Variants in KAT6B observed in about 807,000 individuals in gnomAD.
KAT6B encodes the protein lysine acetyltransferase 6B.
KAT6B carries 10 observed loss-of-function variants against 187.5 expected under a neutral mutation model. That is an observed-to-expected ratio of 0.05 (90% CI 0.03 to 0.09). The LOEUF is 0.09. Among genes scored for constraint, KAT6B ranks in the 10% least tolerant of loss-of-function variants. The pLI, the probability that KAT6B is intolerant of heterozygous loss-of-function variation, is 1.00. For missense variants in KAT6B, 1,952 were observed against 2,558.9 expected, an observed-to-expected ratio of 0.76 and a Z score of 5.12; for synonymous variants, 861 against 926.8, an observed-to-expected ratio of 0.93 and a Z score of 1.29.
intron 3 of KAT6B, among the ~76,000 whole-genome samples, chr10:74,902,182 A>G (rs1846448560): frequency 6.6e-6 from 1 of 152,064 alleles, no homozygotes; most frequent in Admixed American, 6.5e-5. Flanking sequence ...CTGTTCTCTC[A>G]TGCCATCAGT....
At chr10:74,864,327 A>G (rs1444187828) in intron 3 of KAT6B, among the ~76,000 whole-genome samples, 1 of 152,028 alleles carries the variant, frequency 6.6e-6, no homozygotes, top group Non-Finnish European at 1.5e-5. Flanking sequence ...GCAACGCTCC[A>G]TCTCCCAGGT....
At chr10:74,919,240 A>AT (rs1179535663) in intron 3 of KAT6B, among the ~76,000 whole-genome samples, 24 of 151,980 alleles carry the variant, frequency 1.6e-4, no homozygotes, top group Middle Eastern at 3.4e-3. Context: ...CTATATATAT[A>AT]TATTTTTTTC....
intron 3 of KAT6B, among the ~76,000 whole-genome samples, chr10:74,932,411 A>G (rs552658064): frequency 6.6e-6 from 1 of 152,354 alleles, no homozygotes; most frequent in African/African-American, 2.4e-5. Flanking sequence ...GAAAGTAGAG[A>G]CAGGAATCAA....
intron 3 of KAT6B, among the ~76,000 whole-genome samples, chr10:74,919,400 T>C (rs1284949773): frequency 1.3e-5 from 2 of 151,976 alleles, no homozygotes; most frequent in Non-Finnish European, 2.9e-5. Flanking sequence ...TTCATCCTCT[T>C]TTTTTGTTTG....
At chr10:75,021,333 G>T in intron 15 of KAT6B, 48 bp downstream of exon 15, 1 of 1,588,340 alleles carries the variant, frequency 6.3e-7, no homozygotes, top group Non-Finnish European at 8.6e-7. Context: ...CAATCTTGTA[G>T]CATTCTTAAG....
chr10:74,943,062 C>T (rs540174418), intron 3 of KAT6B, among the ~76,000 whole-genome samples: 1 of 152,138 alleles, frequency 6.6e-6, no homozygotes, highest in Admixed American at 6.5e-5. Context: ...AGTTTTAGAC[C>T]ATATGGTCAT....
chr10:74,843,480 T>TA lies in KAT6B; in HGVS notation c.621+4dup. The TA allele has an allele frequency of 6.2e-7, 1 of 1,613,258 alleles. No individual in the cohort carries two copies. Among genetic ancestry groups the TA allele is most frequent in the Non-Finnish European group, 8.5e-7 (1 of 1,180,002 alleles). ...CTTCTACCCCATGAGAAAGACCAGG[T>TA]AAGCGAAGGAGTAATGTTCGTGCAT... is the stretch of plus-strand genomic sequence containing the variant. On this transcript the variant is annotated splice_region_variant and intron_variant, in intron 3 of 17. Coordinates refer to ENST00000287239, the MANE Select transcript of KAT6B (RefSeq NM_012330.4).
chr10:74,830,769 T>TGTATATATATATATATATATA (rs58702000), intron 1 of KAT6B, among the ~76,000 whole-genome samples: 5 of 7,738 alleles, frequency 6.5e-4, no homozygotes, highest in African/African-American at 1.4e-3. Flanking sequence ...TATATATATA[T>TGTATATATATATATATATATA]TTTTTTTTTT....
At chr10:74,921,086 T>C (rs1848075777) in intron 3 of KAT6B, among the ~76,000 whole-genome samples, 1 of 151,790 alleles carries the variant, frequency 6.6e-6, no homozygotes, top group South Asian at 2.1e-4. Context: ...TTTCCTAATG[T>C]GTATGGGTCA....
In KAT6B at chr10:74,842,789, G is replaced by T. The variant is rs1475903258; in HGVS notation, c.-69G>T. On this transcript the variant is annotated 5_prime_UTR_variant, in exon 3 of 18. Coordinates refer to ENST00000287239, the MANE Select transcript of KAT6B (RefSeq NM_012330.4). ...TGAATTGTAAATGACTTTCAAATGT[G>T]CAAGTTCTGTTAAATACAAAGAGAA... The T allele has an allele frequency of 1.1e-5, 17 of 1,543,632 alleles. No homozygotes were observed. Among genetic ancestry groups the T allele is most frequent in the Non-Finnish European group, 1.5e-5 (17 of 1,121,194 alleles).
intron 3 of KAT6B, among the ~76,000 whole-genome samples, chr10:74,944,056 G>T (rs1409308345): frequency 6.6e-6 from 1 of 152,302 alleles, no homozygotes; most frequent in East Asian, 1.9e-4. Flanking sequence ...GGATGCCCTT[G>T]GTATTAAGGC....
intron 13 of KAT6B, among the ~76,000 whole-genome samples, chr10:75,004,578 A>G (rs1394654019): frequency 6.6e-6 from 1 of 152,220 alleles, no homozygotes; most frequent in South Asian, 2.1e-4. Context: ...AGAGGGTCAG[A>G]CACAAAATTC....
intron 3 of KAT6B, among the ~76,000 whole-genome samples, chr10:74,894,651 C>T (rs1845864066): frequency 6.6e-6 from 1 of 152,160 alleles, no homozygotes; most frequent in Admixed American, 6.6e-5. Context: ...TAACTCACAT[C>T]AGTGGAATAA....
Position 75,028,727 on chromosome 10 carries a change from C to T in KAT6B, c.3903C>T (p.Ser1301=). Residue 1301 remains serine, a synonymous_variant, in exon 18 of 18, where the codon AGC becomes AGT. Transcript: ENST00000287239. ...AGGAGACTTCAGAAGGAAAAACCAG[C>T]CCCAGTCCCATCAGGATTGAGGAGG... ...EQKETSEGKT[S]PSPIRIEEEV... is the part of the protein sequence containing the mutation. 1.2e-6 allele frequency: 2 copies of T among 1,613,966 alleles called. No individual in the cohort carries two copies. The highest frequency in any genetic ancestry group is 2.2e-5 in the East Asian group (1 of 44,884).
rs765766730 is a variant in KAT6B, at chr10:75,022,081, G to T, written c.3222G>T (p.Glu1074Asp). 6.2e-7 allele frequency: 1 copy of T among 1,604,506 alleles called. No homozygotes were observed. The highest frequency in any genetic ancestry group is 2.2e-5 in the East Asian group (1 of 44,854). ...LSKESSEEEE[E>D]EEDEEEEEEE... ...AAGAGAGCAGTGAAGAAGAAGAGGA[G>T]GAGGAGGACGAGGAGGAGGAAGAAG... The change falls in exon 16 of 18, where the codon GAG (glutamate) becomes GAT (aspartate). Residue 1074 changes from glutamate to aspartate, a missense_variant. By Grantham distance (45) the Glu-to-Asp change is conservative (BLOSUM62 2). Around this residue, in one of 9 missense-constraint regions of KAT6B, gnomAD observed 758 missense variants for 891.4 expected, o/e 0.85. Transcript: ENST00000287239.
At chr10:74,857,028 G>A (rs1219379139) in intron 3 of KAT6B, among the ~76,000 whole-genome samples, 1 of 152,172 alleles carries the variant, frequency 6.6e-6, no homozygotes, top group Non-Finnish European at 1.5e-5. Flanking sequence ...AGTTGGTTAA[G>A]GTGGCATCTG....
At chr10:74,834,421 C>A (rs1344324434) in intron 1 of KAT6B, among the ~76,000 whole-genome samples, 6 of 152,192 alleles carry the variant, frequency 3.9e-5, no homozygotes, top group African/African-American at 9.7e-5. Context: ...TGGTCTCAAT[C>A]TCCTGACCTC....
chr10:74,945,511 T>C (rs568910570), intron 3 of KAT6B, among the ~76,000 whole-genome samples: 1 of 152,374 alleles, frequency 6.6e-6, no homozygotes, highest in African/African-American at 2.4e-5. Flanking sequence ...TCATCCAGGC[T>C]GGAGTGCAGT....
chr10:74,898,864 C>A (rs1846170542), intron 3 of KAT6B, among the ~76,000 whole-genome samples: 1 of 151,846 alleles, frequency 6.6e-6, no homozygotes, highest in Admixed American at 6.6e-5. Context: ...TATTTAGAAT[C>A]AACCGGCTGG....
Sources: gnomAD v4.1 joint callset for allele counts (sites outside exome capture counted in the v4.1 genomes callset) on GRCh38, gnomAD v4.1.1 for gene constraint, gnomAD v4.1.1 regional missense constraint, MANE v1.5 for transcripts, NCBI Gene and HGNC (gene_info 2026-07-23, HGNC 2026-07-21) for gene names.